The following SLC5A11 variants were observed in gnomAD, a reference collection of about 807,000 sequenced individuals.
The protein encoded by SLC5A11 is sodium/myo-inositol cotransporter 2.
A neutral mutation model predicts 69.8 loss-of-function variants in SLC5A11; 48 were observed. The ratio of observed to expected loss-of-function variants is 0.69; its 90% CI spans 0.55 to 0.87. The LOEUF is 0.87. Ranked by LOEUF, SLC5A11 falls within the 40% of genes least tolerant of loss-of-function variation. SLC5A11 has a pLI of 0.00. For synonymous variants in SLC5A11, 319 were observed against 342.4 expected, an observed-to-expected ratio of 0.93 and a Z score of 0.75; for missense variants, 784 against 866.1, an observed-to-expected ratio of 0.91 and a Z score of 1.19.
chr16:24,868,315 G>C (rs556437691), intron 3 of SLC5A11, among the ~76,000 whole-genome samples: 126 of 151,210 alleles, frequency 8.3e-4, no homozygotes, highest in Middle Eastern at 3.4e-3. Context: ...TAGAGGCCAG[G>C]TGTGGTGGCT....
intron 7 of SLC5A11, among the ~76,000 whole-genome samples, chr16:24,878,203 T>C (rs2047811603): frequency 6.6e-6 from 1 of 152,218 alleles, no homozygotes. Flanking sequence ...AATGGCATAA[T>C]GTTTTTTCCC....
chr16:24,864,046 C>A (rs1363109876), intron 3 of SLC5A11, among the ~76,000 whole-genome samples: 1 of 152,158 alleles, frequency 6.6e-6, no homozygotes, highest in African/African-American at 2.4e-5. Flanking sequence ...TTTAACATTG[C>A]AGCTGTGGCA....
intron 9 of SLC5A11, among the ~76,000 whole-genome samples, chr16:24,891,310 CTTTTT>C (rs11286846): frequency 0.014 from 1,466 of 102,182 alleles, 31 homozygotes; most frequent in African/African-American, 0.051. Flanking sequence ...CACACTCTGC[CTTTTT>C]TTTTTTTTTT....
At chr16:24,877,713 C>A (rs904969067) in intron 7 of SLC5A11, among the ~76,000 whole-genome samples, 1 of 151,954 alleles carries the variant, frequency 6.6e-6, no homozygotes, top group Non-Finnish European at 1.5e-5. Flanking sequence ...AGGCCAGGCA[C>A]GGTGGCTTAC....
At position 24,889,543 on chromosome 16, in the gene SLC5A11, A is replaced by ATTTTTTT. The variant is rs71156454; in HGVS notation, c.665-1305_665-1299dup. Among the ~76,000 whole-genome samples the ATTTTTTT allele has an allele frequency of 7.9e-4, 59 of 74,346 alleles. 8 individuals are homozygous for ATTTTTTT. The highest frequency in any genetic ancestry group is 3.0e-3 in the African/African-American group (55 of 18,142). 48.8% of individuals were successfully genotyped at this position (74,346 alleles called of 152,430 possible). On this transcript the variant is annotated intron_variant, in intron 8 of 15. Coordinates refer to ENST00000347898, the Ensembl canonical transcript of SLC5A11. The stretch of plus-strand genomic sequence containing the variant: ...ATTAGACCTACTACAAGGTCTTACA[A>ATTTTTTT]TTTTTTTTTTTTTTTTTTTTTTTTT...
chr16:24,856,101 G>T (rs72770452), intron 1 of SLC5A11, among the ~76,000 whole-genome samples: 20,823 of 152,168 alleles, frequency 0.14, 1,744 homozygotes, highest in Non-Finnish European at 0.17. Flanking sequence ...GGCCTTCAGA[G>T]ATGTTTCAAA....
chr16:24,880,272 A>G (rs994425434), intron 7 of SLC5A11, among the ~76,000 whole-genome samples: 2 of 152,330 alleles, frequency 1.3e-5, no homozygotes, highest in Admixed American at 6.5e-5. Context: ...GCAAAGGGGA[A>G]GTAAGCACGT....
At chr16:24,866,773 C>T (rs274107) in intron 3 of SLC5A11, among the ~76,000 whole-genome samples, 28,100 of 151,834 alleles carry the variant, frequency 0.19, 2,775 homozygotes, top group Non-Finnish European at 0.21. Flanking sequence ...TAAACATTGT[C>T]ACTAGAGACA....
At chr16:24,881,840 C>T (rs1475388438) in intron 7 of SLC5A11, among the ~76,000 whole-genome samples, 1 of 126,164 alleles carries the variant, frequency 7.9e-6, no homozygotes, top group Non-Finnish European at 1.9e-5. Flanking sequence ...TAAGCAGCAA[C>T]CCTGGTGGTA....
intron 1 of SLC5A11, among the ~76,000 whole-genome samples, chr16:24,855,828 G>A (rs566906469): frequency 6.6e-6 from 1 of 152,264 alleles, no homozygotes; most frequent in African/African-American, 2.4e-5. Context: ...CTCGATCTTG[G>A]ACTTTCTCCA....
At chr16:24,900,085 G>A (rs274097) in intron 10 of SLC5A11, among the ~76,000 whole-genome samples, 31,570 of 152,118 alleles carry the variant, frequency 0.21, 4,000 homozygotes, top group South Asian at 0.41. Flanking sequence ...TGTGGTAAGG[G>A]AATAGGTTTA....
At chr16:24,907,580 T>C (rs1217362208) in intron 12 of SLC5A11, among the ~76,000 whole-genome samples, 4 of 151,962 alleles carry the variant, frequency 2.6e-5, no homozygotes, top group Non-Finnish European at 5.9e-5. Flanking sequence ...TGGTGGCGTG[T>C]GCCTGTAATC....
intron 9 of SLC5A11, among the ~76,000 whole-genome samples, chr16:24,891,762 T>C (rs2048825466): frequency 6.6e-6 from 1 of 152,190 alleles, no homozygotes; most frequent in Non-Finnish European, 1.5e-5. Flanking sequence ...GGCACTCTTC[T>C]GGGCACTTAA....
chr16:24,897,741 G>A (rs1230778816), intron 9 of SLC5A11, among the ~76,000 whole-genome samples: 2 of 152,312 alleles, frequency 1.3e-5, no homozygotes, highest in Non-Finnish European at 2.9e-5. Context: ...AAGAGAGAAT[G>A]AGAGCCAAGT....
At chr16:24,909,689 C>T (rs959172149) in intron 14 of SLC5A11, among the ~76,000 whole-genome samples, 20 of 141,204 alleles carry the variant, frequency 1.4e-4, no homozygotes, top group Admixed American at 8.6e-4. Context: ...ATTAGCAGGG[C>T]GTGATGGCTC....
At position 24,905,640 on chromosome 16, in the gene SLC5A11, G is replaced by GCGCACA. The variant is rs1443035551; in HGVS notation, c.1007-1016_1007-1015insGCACAC. Among the ~76,000 whole-genome samples the GCGCACA allele has an allele frequency of 1.6e-3, 219 of 136,766 alleles. 3 individuals are homozygous for GCGCACA. The highest frequency in any genetic ancestry group is 3.5e-3 in the African/African-American group (124 of 35,496). The allele number at this position is 136,766 out of a possible 152,430, so 89.7% of individuals were successfully genotyped here. A position where few individuals can be genotyped will look rare whatever the true frequency, so the allele number is the denominator to read the frequency against. On this transcript the variant is annotated intron_variant, in intron 10 of 15. Transcript: ENST00000347898. ...CCATCTCAAAAACACGCGCGCGCGCGCACACACACACACACACACACACAC... is the reference window on the plus strand; with the variant it reads ...CCATCTCAAAAACACGCGCGCGCGCGCGCACACACACACACACACACACACACACAC...
At chr16:24,875,880 G>A in intron 6 of SLC5A11, 149 bp downstream of exon 7, 3 of 693,408 alleles carry the variant, frequency 4.3e-6, no homozygotes, top group Non-Finnish European at 7.4e-6. Flanking sequence ...CATGGGGGGA[G>A]GTAAGCGTGG....
chr16:24,906,697 C>G (rs1420971701), exon 11 of SLC5A11: 1 of 1,613,432 alleles, frequency 6.2e-7, no homozygotes, highest in Non-Finnish European at 8.5e-7. Context: ...GCCAGAAGAT[C>G]TGCAGCAACC....
intron 3 of SLC5A11, 31 bp from the exon 5 acceptor site, chr16:24,869,870 T>G (rs754857787): frequency 7.3e-5 from 112 of 1,525,520 alleles, no homozygotes; most frequent in Non-Finnish European, 9.8e-5. Flanking sequence ...TGACTTTGTC[T>G]CCAAGATCTG....
Sources: gnomAD v4.1 joint callset for allele counts (sites outside exome capture counted in the v4.1 genomes callset) on GRCh38, gnomAD v4.1.1 for gene constraint, MANE v1.5 for transcripts, NCBI Gene and HGNC (gene_info 2026-07-23, HGNC 2026-07-21) for gene names.